The following LIPH variants were observed in gnomAD, a reference collection of about 807,000 sequenced individuals.
The protein encoded by LIPH is lipase H.
A neutral mutation model predicts 47.6 loss-of-function variants in LIPH; 32 were observed. The observed-to-expected ratio is 0.67, with a 90% confidence interval of 0.51 to 0.90. LIPH has a LOEUF of 0.90. Ranked by LOEUF, LIPH falls within the 40% of genes least tolerant of loss-of-function variation. LIPH has a pLI of 0.00. For synonymous variants in LIPH, 190 were observed against 195.6 expected (o/e 0.97, Z 0.24); for missense variants, 497 against 541.4 (o/e 0.92, Z 0.81).
chr3:185,517,646 T>C (rs1039446515), intron 6 of LIPH, among the ~76,000 whole-genome samples: 1 of 152,152 alleles, frequency 6.6e-6, no homozygotes, highest in African/African-American at 2.4e-5. Flanking sequence ...CCTTTGTTTT[T>C]GCTGTCCAGA....
intron 4 of LIPH, among the ~76,000 whole-genome samples, chr3:185,526,355 T>C (rs917952759): frequency 1.3e-5 from 2 of 151,734 alleles, no homozygotes; most frequent in Admixed American, 1.3e-4. Context: ...ACCCTGTCTC[T>C]AGTAAAAATA....
intron 5 of LIPH, among the ~76,000 whole-genome samples, chr3:185,522,990 T>C (rs1719955916): frequency 6.6e-6 from 1 of 152,316 alleles, no homozygotes; most frequent in South Asian, 2.1e-4. Flanking sequence ...TTTTCACTTA[T>C]CACACTAAGA....
intron 5 of LIPH, among the ~76,000 whole-genome samples, chr3:185,519,552 A>G (rs903916466): frequency 6.6e-6 from 1 of 151,930 alleles, no homozygotes; most frequent in Non-Finnish European, 1.5e-5. Flanking sequence ...TGAAAGACCC[A>G]GGGCCAGGTG....
intron 3 of LIPH, among the ~76,000 whole-genome samples, chr3:185,530,270 G>C (rs1163202194): frequency 6.6e-6 from 1 of 152,080 alleles, no homozygotes; most frequent in Non-Finnish European, 1.5e-5. Flanking sequence ...CCTGAGGTCA[G>C]GAGTTTGAGA....
chr3:185,545,876 C>T (rs1720854878), intron 1 of LIPH, among the ~76,000 whole-genome samples: 1 of 152,100 alleles, frequency 6.6e-6, no homozygotes, highest in African/African-American at 2.4e-5. Context: ...TCATAATAGG[C>T]CAGGCACAGT....
chr3:185,547,458 A>G (rs141221222), intron 1 of LIPH, among the ~76,000 whole-genome samples: 257 of 152,244 alleles, frequency 1.7e-3, no homozygotes, highest in African/African-American at 6.0e-3. Context: ...ATAGATGTAT[A>G]TTAATAACTT....
chr3:185,517,054 A>T lies in LIPH; in HGVS notation c.982+13T>A, dbSNP rs1446023114. On this transcript the variant is annotated intron_variant, in intron 7 of 9. Coordinates refer to ENST00000296252, the MANE Select transcript of LIPH (RefSeq NM_139248.3). ...GAGTTAGGCAAAAGCCAACAACCAC[A>T]TTCACCACTCACTGCAGAATGGGCT... The T allele has an allele frequency of 4.8e-5, 75 of 1,570,204 alleles. No individual in the cohort carries two copies. The highest frequency in any genetic ancestry group is 6.3e-5 in the Non-Finnish European group (72 of 1,140,196).
At chr3:185,531,073 G>C (rs1720316307) in intron 3 of LIPH, among the ~76,000 whole-genome samples, 1 of 152,162 alleles carries the variant, frequency 6.6e-6, no homozygotes, top group African/African-American at 2.4e-5. Context: ...CATAGCAAAT[G>C]ATTAGCTTCC....
intron 1 of LIPH, among the ~76,000 whole-genome samples, chr3:185,541,598 G>A (rs901970919): frequency 4.6e-5 from 7 of 151,198 alleles, no homozygotes; most frequent in Non-Finnish European, 8.8e-5. Context: ...TAGAGATGAG[G>A]TCTTGCTATG....
chr3:185,519,836 C>CAAAAAAAAAAA (rs145391972), intron 5 of LIPH, among the ~76,000 whole-genome samples: 8 of 53,788 alleles, frequency 1.5e-4, no homozygotes, highest in African/African-American at 6.6e-4. Flanking sequence ...CACTCCATCT[C>CAAAAAAAAAAA]AAAAAAAAAA....
chr3:185,527,670 T>C, intron 3 of LIPH, 85 bp from the exon 4 acceptor site: 2 of 888,838 alleles, frequency 2.3e-6, no homozygotes, highest in Non-Finnish European at 3.8e-6. Flanking sequence ...TGAGGGTGGC[T>C]CCCAGGCTGC....
chr3:185,506,920 G>A lies in LIPH; in HGVS notation c.*1870C>T, dbSNP rs1719395061. 6.6e-6 allele frequency: 1 copy of A among 151,692 alleles called. No homozygotes were observed. Among genetic ancestry groups the A allele is most frequent in the East Asian group, 1.9e-4 (1 of 5,174 alleles). 9.4% of individuals were successfully genotyped at this position (151,692 alleles called of 1,614,324 possible). On this transcript the variant is annotated 3_prime_UTR_variant, in exon 10 of 10. Coordinates refer to ENST00000296252, the MANE Select transcript of LIPH (RefSeq NM_139248.3). ...AATTGCTGAGGAAATGTGAGAAGGAGGAGGAAGGATGGTAACATGTCCAAG... is the reference window on the plus strand; with the variant it reads ...AATTGCTGAGGAAATGTGAGAAGGAAGAGGAAGGATGGTAACATGTCCAAG...
chr3:185,543,767 G>A (rs535123963), intron 1 of LIPH, among the ~76,000 whole-genome samples: 1 of 150,220 alleles, frequency 6.7e-6, no homozygotes, highest in South Asian at 2.1e-4. Context: ...TGTAGTTTTA[G>A]TTCTATAAAG....
chr3:185,506,840 A>C lies in LIPH; in HGVS notation c.*1950T>G, dbSNP rs1366330096. 1 of 148,646 alleles carries C rather than the reference A, an allele frequency of 6.7e-6. No individual in the cohort carries two copies. The highest frequency in any genetic ancestry group is 1.5e-5 in the Non-Finnish European group (1 of 67,292). The allele number at this position is 148,646 out of a possible 1,614,324, so 9.2% of individuals were successfully genotyped here. A position where few individuals can be genotyped will look rare whatever the true frequency, so the allele number is the denominator to read the frequency against. On this transcript the variant is annotated 3_prime_UTR_variant, in exon 10 of 10. Transcript: ENST00000296252. ...GAAGGAGACTCCATCTAAAAAAAAA[A>C]AAAAAAAAAAAAAAAAAAAACCAGG...
In LIPH at chr3:185,517,068, G is replaced by A; in HGVS notation, c.981C>T (p.Cys327=). The A allele has an allele frequency of 6.2e-7, 1 of 1,602,108 alleles. No individual in the cohort carries two copies. The highest frequency in any genetic ancestry group is 8.6e-7 in the Non-Finnish European group (1 of 1,169,094). ...CCAACAACCACATTCACCACTCACT[G>A]CAGAATGGGCTCTCCTCAGCTGTGT... is the stretch of plus-strand genomic sequence containing the variant. The part of the protein sequence containing the change: ...FFDTAEESPF[C]MYHYFVDIIT... The change falls in exon 7 of 10, where the codon TGC becomes TGT. Residue 327 remains cysteine (C), a splice_region_variant and synonymous_variant. Coordinates refer to ENST00000296252, the MANE Select transcript of LIPH (RefSeq NM_139248.3).
In LIPH at chr3:185,509,062, C is replaced by T. The variant is rs566106489; in HGVS notation, c.1269-185G>A. 4.0e-5 allele frequency among the ~76,000 whole-genome samples: 6 copies of T among 151,682 alleles called. No individual in the cohort carries two copies. In the South Asian group the frequency reaches 1.0e-3, roughly 26 times the overall value. The stretch of plus-strand genomic sequence containing the variant: ...CACCCAGCATTTTAAGAGGCCGAGG[C>T]GGGCAGATACTTGAGGCCAGGAGTT... On this transcript the variant is annotated intron_variant, in intron 9 of 9. Coordinates refer to ENST00000296252, the MANE Select transcript of LIPH (RefSeq NM_139248.3).
chr3:185,529,176 C>CAAA (rs1173804674), intron 3 of LIPH, among the ~76,000 whole-genome samples: 4,907 of 54,138 alleles, frequency 0.091, 775 homozygotes, highest in East Asian at 0.32. Context: ...GACTCCGTCT[C>CAAA]AAAAAAAAAA....
chr3:185,543,396 A>G (rs1720774271), intron 1 of LIPH, among the ~76,000 whole-genome samples: 1 of 152,214 alleles, frequency 6.6e-6, no homozygotes, highest in Non-Finnish European at 1.5e-5. Context: ...AATCAACAGT[A>G]TATATTAAAT....
intron 1 of LIPH, chr3:185,546,754 G>A (rs1318670287): frequency 3.2e-6 from 1 of 314,244 alleles, no homozygotes; most frequent in Non-Finnish European, 6.1e-6. Flanking sequence ...GCTGTGAGCT[G>A]CGATCACACT....
Sources: gnomAD v4.1 joint callset for allele counts (sites outside exome capture counted in the v4.1 genomes callset) on GRCh38, gnomAD v4.1.1 for gene constraint, MANE v1.5 for transcripts, NCBI Gene and HGNC (gene_info 2026-07-23, HGNC 2026-07-21) for gene names.